The following ELMO1 variants were observed in gnomAD, a reference collection of about 807,000 sequenced individuals.
ELMO1 encodes engulfment and cell motility 1.
In ELMO1, 26 loss-of-function variants were observed where a neutral mutation model predicts 98.9. The observed-to-expected ratio is 0.26, with a 90% CI of 0.19 to 0.36. The LOEUF (loss-of-function observed/expected upper bound fraction) is 0.36. ELMO1 is among the 10% of genes least tolerant of loss of function. The probability of loss-of-function intolerance (pLI) is 1.00; values close to 1 mark genes in which losing one functional copy is unlikely to be tolerated. For synonymous variants in ELMO1, 346 were observed against 346.0 expected (o/e 1.00, Z 0.00); for missense variants, 627 against 935.2 (o/e 0.67, Z 4.30).
intron 5 of ELMO1, among the ~76,000 whole-genome samples, chr7:37,259,975 T>A (rs1795897889): frequency 6.6e-6 from 1 of 152,214 alleles, no homozygotes; most frequent in Non-Finnish European, 1.5e-5. Flanking sequence ...GGAAACCAAA[T>A]TAACAGCTAT....
At chr7:37,270,592 A>T (rs1796498638) in intron 5 of ELMO1, 1 of 152,222 alleles carries the variant, frequency 6.6e-6, no homozygotes, top group Non-Finnish European at 1.5e-5. Flanking sequence ...ATAATTTTTT[A>T]GGAAAGCAAT....
At chr7:37,379,052 T>C (rs1031462897) in intron 1 of ELMO1, among the ~76,000 whole-genome samples, 1 of 152,164 alleles carries the variant, frequency 6.6e-6, no homozygotes, top group Non-Finnish European at 1.5e-5. Context: ...TCTTCTTTTT[T>C]TTTTTTAGAC....
At chr7:36,925,415 G>C (rs1785488779) in intron 16 of ELMO1, among the ~76,000 whole-genome samples, 1 of 152,104 alleles carries the variant, frequency 6.6e-6, no homozygotes. Flanking sequence ...TGGCCTCTCT[G>C]GGCTGGCTGC....
At chr7:36,880,120 GT>G (rs1804322227) in intron 18 of ELMO1, among the ~76,000 whole-genome samples, 1 of 152,200 alleles carries the variant, frequency 6.6e-6, no homozygotes, top group Admixed American at 6.5e-5. Flanking sequence ...CTGCTATAAA[GT>G]TTTCCTTTCC....
intron 13 of ELMO1, among the ~76,000 whole-genome samples, chr7:37,202,060 G>A (rs146364027): frequency 6.6e-6 from 1 of 152,304 alleles, no homozygotes; most frequent in African/African-American, 2.4e-5. Context: ...GCTAGGACTG[G>A]CAGAGCTTCC....
chr7:37,324,405 G>A (rs200248389), intron 2 of ELMO1, among the ~76,000 whole-genome samples: 2 of 151,728 alleles, frequency 1.3e-5, no homozygotes. Context: ...GCATCACCCA[G>A]AAAAAAAAGG....
intron 16 of ELMO1, among the ~76,000 whole-genome samples, chr7:36,906,163 C>A (rs1178619289): frequency 6.6e-6 from 1 of 152,194 alleles, no homozygotes; most frequent in African/African-American, 2.4e-5. Context: ...CAGCAAATCA[C>A]CCTGGGAGGA....
intron 19 of ELMO1, among the ~76,000 whole-genome samples, chr7:36,872,872 T>C (rs1011789593): frequency 5.9e-5 from 9 of 152,180 alleles, no homozygotes; most frequent in Admixed American, 2.0e-4. Flanking sequence ...TTATAATATA[T>C]AGCATGGTCC....
At chr7:37,135,572 G>A (rs1179804960) in intron 13 of ELMO1, among the ~76,000 whole-genome samples, 1 of 152,176 alleles carries the variant, frequency 6.6e-6, no homozygotes, top group Non-Finnish European at 1.5e-5. Context: ...ACACTTGCCA[G>A]TACCAGCATG....
chr7:36,923,611 T>C (rs997428181), intron 16 of ELMO1, among the ~76,000 whole-genome samples: 5 of 152,196 alleles, frequency 3.3e-5, no homozygotes, highest in Admixed American at 2.0e-4. Context: ...TTAAAAAATC[T>C]TCTCAAGAAT....
rs894369212 is a variant in ELMO1, at chr7:37,260,321, G to T, written c.244-971C>A. 2.6e-5 allele frequency among the ~76,000 whole-genome samples: 4 copies of T among 152,262 alleles called. 1 individual carries two copies. The South Asian group carries it at 6.2e-4, about 24-fold the overall frequency. Reference sequence around the variant, plus strand: ...ATATTTTAGAGAGGGAGAAGATAGGGTGTCGACCCCATTAATGAGGTATCT... The same window carrying T: ...ATATTTTAGAGAGGGAGAAGATAGGTTGTCGACCCCATTAATGAGGTATCT... On this transcript the variant is annotated intron_variant, in intron 5 of 21. Coordinates refer to ENST00000310758, the MANE Select transcript of ELMO1 (RefSeq NM_014800.11).
intron 16 of ELMO1, among the ~76,000 whole-genome samples, chr7:36,979,132 G>A (rs964744620): frequency 9.9e-5 from 15 of 152,150 alleles, no homozygotes; most frequent in Admixed American, 2.6e-4. Context: ...GAGGGTTGGG[G>A]TAGTGCCTGA....
rs1045785159 is a variant in ELMO1 at position 36,994,383 on chromosome 7, C to T, written c.1437+18916G>A. On this transcript the variant is annotated intron_variant, in intron 16 of 21. Transcript: ENST00000310758. ...GCTCTTTTCACAGCTCTCACCAATACTGGGAACCCTCTAGGGCTGGTTTTA... is the reference window on the plus strand; with the variant it reads ...GCTCTTTTCACAGCTCTCACCAATATTGGGAACCCTCTAGGGCTGGTTTTA... 3.9e-5 allele frequency among the ~76,000 whole-genome samples: 6 copies of T among 152,182 alleles called. No homozygotes were observed. In the East Asian group the frequency reaches 9.6e-4, roughly 24 times the overall value.
chr7:37,097,598 G>A lies in ELMO1; in HGVS notation c.1192-871C>T, dbSNP rs868007660. ...GAATCCACCTCAAAAGAGAAAGAAA[G>A]AGAGAAAGAGAAAAAAAAAGAAAGA... On this transcript the variant is annotated intron_variant, in intron 14 of 21. Coordinates refer to ENST00000310758, the MANE Select transcript of ELMO1 (RefSeq NM_014800.11). 7.4e-5 allele frequency among the ~76,000 whole-genome samples: 11 copies of A among 149,168 alleles called. No individual in the cohort carries two copies. In the Middle Eastern group the frequency reaches 0.01, roughly 139 times the overall value.
chr7:36,909,431 G>A (rs1228253246), intron 16 of ELMO1, among the ~76,000 whole-genome samples: 1 of 152,252 alleles, frequency 6.6e-6, no homozygotes, highest in Non-Finnish European at 1.5e-5. Flanking sequence ...AATGGTGTCT[G>A]CTGATGGGGC....
At chr7:37,371,141 A>G (rs945809830) in intron 1 of ELMO1, among the ~76,000 whole-genome samples, 1 of 152,242 alleles carries the variant, frequency 6.6e-6, no homozygotes, top group Non-Finnish European at 1.5e-5. Flanking sequence ...AAACAATGTT[A>G]ATACTGAACA....
chr7:37,407,334 C>G (rs1464241776), intron 1 of ELMO1, among the ~76,000 whole-genome samples: 1 of 151,852 alleles, frequency 6.6e-6, no homozygotes, highest in East Asian at 1.9e-4. Context: ...ATGCTGAAAC[C>G]CCGTCTCTAC....
At chr7:36,908,501 G>A (rs1045830488) in intron 16 of ELMO1, among the ~76,000 whole-genome samples, 3 of 150,932 alleles carry the variant, frequency 2.0e-5, no homozygotes, top group Non-Finnish European at 2.9e-5. Context: ...GATATAATTT[G>A]TATTAGAGTT....
At chr7:37,043,194 A>G (rs1276340401) in intron 15 of ELMO1, among the ~76,000 whole-genome samples, 2 of 152,210 alleles carry the variant, frequency 1.3e-5, no homozygotes, top group Non-Finnish European at 2.9e-5. Flanking sequence ...AAGAAACAAC[A>G]GCAGCAAGAG....
Sources: allele counts gnomAD v4.1 joint callset (sites outside exome capture counted in the v4.1 genomes callset), GRCh38; gene constraint gnomAD v4.1.1; transcripts MANE v1.5; gene names NCBI Gene and HGNC (gene_info 2026-07-23, HGNC 2026-07-21).